KYAT3: variants seen among roughly 807,000 people sequenced by gnomAD.
KYAT3 encodes kynurenine aminotransferase 3.
In KYAT3, 50 loss-of-function variants were observed where a neutral mutation model predicts 59.0. The observed-to-expected ratio is 0.85, with a 90% CI of 0.68 to 1.07. The LOEUF (loss-of-function observed/expected upper bound fraction) is 1.07. Ranked by LOEUF, KYAT3 falls within the 50% of genes least tolerant of loss-of-function variation. The probability of loss-of-function intolerance (pLI) is 0.00; values close to 1 mark genes in which losing one functional copy is unlikely to be tolerated. For synonymous variants in KYAT3, 148 were observed against 177.0 expected (o/e 0.84, Z 1.30); for missense variants, 497 against 533.3 (o/e 0.93, Z 0.67).
At chr1:88,948,216 C>G (rs1378433855) in intron 11 of KYAT3, among the ~76,000 whole-genome samples, 1 of 152,178 alleles carries the variant, frequency 6.6e-6, no homozygotes, top group Non-Finnish European at 1.5e-5. Context: ...TTCCTTTACT[C>G]TTTCCAGCTT....
At chr1:88,922,721 T>A in the KYAT3 span, among the ~76,000 whole-genome samples, 3 of 152,212 alleles carry the variant, frequency 2.0e-5, no homozygotes, top group African/African-American at 4.8e-5. Context: ...ACTGCTGACT[T>A]AAGATGTTTG....
At chr1:88,964,398 A>T (rs1272414974) in intron 5 of KYAT3, among the ~76,000 whole-genome samples, 1 of 152,264 alleles carries the variant, frequency 6.6e-6, no homozygotes, top group Non-Finnish European at 1.5e-5. Flanking sequence ...CTATAAAAAT[A>T]AGAATAAATT....
chr1:88,943,185 T>A, intron 12 of KYAT3, 94 bp from the exon 13 acceptor site: 1 of 1,100,936 alleles, frequency 9.1e-7, no homozygotes, highest in Non-Finnish European at 1.3e-6. Context: ...TAGATACTTT[T>A]AAATAGTCAC....
downstream of KYAT3, among the ~76,000 whole-genome samples, chr1:88,932,692 C>T (rs1674932777): frequency 6.6e-6 from 1 of 151,968 alleles, no homozygotes; most frequent in Non-Finnish European, 1.5e-5. Flanking sequence ...GATAAGGTCT[C>T]ACTATGTTGC....
downstream of KYAT3, among the ~76,000 whole-genome samples, chr1:88,931,270 T>C (rs1404028908): frequency 1.3e-5 from 2 of 152,208 alleles, no homozygotes; most frequent in Non-Finnish European, 2.9e-5. Flanking sequence ...CTGCAGGCCA[T>C]ATATTTCAAT....
intron 2 of KYAT3, among the ~76,000 whole-genome samples, chr1:88,985,009 T>C (rs1245279129): frequency 2.0e-5 from 3 of 152,218 alleles, no homozygotes; most frequent in African/African-American, 7.2e-5. Flanking sequence ...TTTGTATGAG[T>C]CATGATTTAA....
chr1:88,952,921 C>A, intron 10 of KYAT3, 142 bp downstream of exon 10: 1 of 570,570 alleles, frequency 1.8e-6, no homozygotes, highest in Non-Finnish European at 3.1e-6. Flanking sequence ...GAATATGTAT[C>A]TGCTCCCCAA....
chr1:88,980,248 A>G (rs529130593), intron 2 of KYAT3: 1 of 152,716 alleles, frequency 6.5e-6, no homozygotes, highest in East Asian at 1.9e-4. Flanking sequence ...TGGCATATAC[A>G]TCTGTCAAAA....
At chr1:88,982,346 GA>G in intron 2 of KYAT3, 1 of 729,856 alleles carries the variant, frequency 1.4e-6, no homozygotes, top group Non-Finnish European at 1.8e-6. Flanking sequence ...CATTTACTGG[GA>G]AAAACCAGAT....
chr1:88,954,614 A>G (rs1412984643), intron 9 of KYAT3, among the ~76,000 whole-genome samples: 6 of 152,212 alleles, frequency 3.9e-5, no homozygotes, highest in African/African-American at 1.4e-4. Flanking sequence ...AAAAGGGAAA[A>G]TGACCTAATT....
At chr1:88,939,858 T>C (rs555072448) in intron 13 of KYAT3, among the ~76,000 whole-genome samples, 3 of 152,168 alleles carry the variant, frequency 2.0e-5, no homozygotes, top group African/African-American at 7.2e-5. Context: ...GATCTTCTTA[T>C]AATATCTTAC....
At chr1:88,992,116 C>CT (rs1292684313) in intron 1 of KYAT3, among the ~76,000 whole-genome samples, 2 of 151,850 alleles carry the variant, frequency 1.3e-5, no homozygotes, top group African/African-American at 2.4e-5. Context: ...GTAGCTGGGA[C>CT]TACAGGCGCC....
chr1:88,937,032 C>T (rs1675063602), intron 13 of KYAT3, among the ~76,000 whole-genome samples: 1 of 152,136 alleles, frequency 6.6e-6, no homozygotes, highest in Non-Finnish European at 1.5e-5. Context: ...CTGGCTGGAA[C>T]AGGATGTCAG....
At chr1:88,990,631 TC>T (rs1422116272) in intron 1 of KYAT3, among the ~76,000 whole-genome samples, 1 of 152,198 alleles carries the variant, frequency 6.6e-6, no homozygotes, top group African/African-American at 2.4e-5. Context: ...ATGATGGAAT[TC>T]CAAGACCTAG....
chr1:88,954,428 C>T (rs1036482623), intron 9 of KYAT3, among the ~76,000 whole-genome samples: 1 of 152,100 alleles, frequency 6.6e-6, no homozygotes, highest in African/African-American at 2.4e-5. Flanking sequence ...TCATACCCAC[C>T]TTATAGTGTG....
chr1:88,974,593 C>A (rs1290558583), intron 2 of KYAT3, among the ~76,000 whole-genome samples: 1 of 151,158 alleles, frequency 6.6e-6, no homozygotes, highest in Non-Finnish European at 1.5e-5. Context: ...CCTGCCTCAG[C>A]CTGGGACTGA....
chr1:88,970,269 T>C (rs1215682536), intron 2 of KYAT3, among the ~76,000 whole-genome samples: 2 of 152,204 alleles, frequency 1.3e-5, no homozygotes, highest in African/African-American at 4.8e-5. Flanking sequence ...ACTGAGTATG[T>C]CCTAGGTACT....
chr1:88,928,528 A>G, the KYAT3 span, among the ~76,000 whole-genome samples: 1 of 152,198 alleles, frequency 6.6e-6, no homozygotes, highest in Admixed American at 6.5e-5. Flanking sequence ...AGATTGTCCA[A>G]GTAGAAGTAA....
Position 88,988,371 on chromosome 1 carries a change from T to C in KYAT3, c.-1-20A>G. ...AACATGCTATTAAATAAAAGAAAAA[T>C]TGAGAAGAGGAATAAATATATGATG... On this transcript the variant is annotated intron_variant, in intron 1 of 13. Transcript: ENST00000260508. The C allele has an allele frequency of 6.8e-7, 1 of 1,476,172 alleles. No homozygotes were observed. Among genetic ancestry groups the C allele is most frequent in the Non-Finnish European group, 9.5e-7 (1 of 1,056,838 alleles). 91.4% of individuals were successfully genotyped at this position (1,476,172 alleles called of 1,614,324 possible).
Sources: allele counts gnomAD v4.1 joint callset (sites outside exome capture counted in the v4.1 genomes callset), GRCh38; gene constraint gnomAD v4.1.1; transcripts MANE v1.5; gene names NCBI Gene and HGNC (gene_info 2026-07-23, HGNC 2026-07-21).